Variants in KCNQ1 observed in about 807,000 individuals in gnomAD.
KCNQ1 encodes potassium voltage-gated channel subfamily Q member 1.
Under a neutral mutation model 72.4 loss-of-function variants are expected in KCNQ1, and 49 were observed. The observed-to-expected ratio is 0.68, with a 90% confidence interval of 0.54 to 0.86. The LOEUF (loss-of-function observed/expected upper bound fraction) is 0.86. Among genes scored for constraint, KCNQ1 ranks in the 40% least tolerant of loss-of-function variants. KCNQ1 has a pLI of 0.00. For missense variants in KCNQ1, 790 were observed against 945.1 expected, an observed-to-expected ratio of 0.84 and a Z score of 2.15; for synonymous variants, 450 against 412.6, an observed-to-expected ratio of 1.09 and a Z score of -1.10.
In KCNQ1 at chr11:2,601,950, T is replaced by C. The variant is rs1378229740; in HGVS notation, c.1393+13096T>C. On this transcript the variant is annotated intron_variant, in intron 10 of 15. Transcript: ENST00000155840. The surrounding 1 kb of genome is among the most constrained non-coding windows in gnomAD (Gnocchi z 5.2). ...TCGCCTTCTATGGCAAAGGGCACTC[T>C]GCAGATGTGTCAAATTAAGGACCTT... Among the ~76,000 whole-genome samples, 3 of 152,188 alleles carry C rather than the reference T, an allele frequency of 2.0e-5. No homozygotes were observed. Among genetic ancestry groups the C allele is most frequent in the Non-Finnish European group, 4.4e-5 (3 of 68,034 alleles).
At chr11:2,597,188 ACT>A (rs1250355937) in intron 10 of KCNQ1, among the ~76,000 whole-genome samples, 2 of 152,140 alleles carry the variant, frequency 1.3e-5, no homozygotes, top group Non-Finnish European at 2.9e-5. Flanking sequence ...GTTTGATAAC[ACT>A]CTATGGGTAT....
intron 2 of KCNQ1, among the ~76,000 whole-genome samples, chr11:2,545,771 T>G (rs1436971161): frequency 6.6e-6 from 1 of 152,180 alleles, no homozygotes; most frequent in African/African-American, 2.4e-5. Flanking sequence ...AAAGAATATG[T>G]TCATTTCATC....
intron 1 of KCNQ1, among the ~76,000 whole-genome samples, chr11:2,514,043 G>T (rs929091990): frequency 6.6e-6 from 1 of 152,188 alleles, no homozygotes. Flanking sequence ...CCATTTGGGG[G>T]GTGTGCAGGT....
chr11:2,652,227 TGAG>T lies in KCNQ1; in HGVS notation c.1394-9732_1394-9730del. 5.0e-6 allele frequency: 2 copies of T among 398,634 alleles called. No individual in the cohort carries two copies. The highest frequency in any genetic ancestry group is 8.8e-6 in the Non-Finnish European group (2 of 226,088). The allele number at this position is 398,634 out of a possible 1,614,324, so 24.7% of individuals were successfully genotyped here. A position where few individuals can be genotyped will look rare whatever the true frequency, so the allele number is the denominator to read the frequency against. On this transcript the variant is annotated intron_variant, in intron 10 of 15. Transcript: ENST00000155840. The surrounding 1 kb of genome is among the most constrained non-coding windows in gnomAD (Gnocchi z 5.9). Reference sequence around the variant, plus strand: ...AGGGCCTGGAGCCGGATGCTGAGAATGAGGCCTGCAACTCATTTCCCCATTAAA... The same window carrying T: ...AGGGCCTGGAGCCGGATGCTGAGAATGCCTGCAACTCATTTCCCCATTAAA...
At chr11:2,625,869 C>G (rs552041559) in intron 10 of KCNQ1, 2 of 398,584 alleles carry the variant, frequency 5.0e-6, no homozygotes, top group South Asian at 2.5e-4. Flanking sequence ...GTGCCTGGCC[C>G]TTTTGCCCAT....
chr11:2,656,533 T>C (rs1849850943), intron 10 of KCNQ1: 1 of 398,580 alleles, frequency 2.5e-6, no homozygotes, highest in Non-Finnish European at 4.4e-6. Context: ...TGATTGCTAG[T>C]CAGGCGCAAC....
chr11:2,676,489 T>A lies in KCNQ1; in HGVS notation c.1514+14408T>A. ...TTAGCTGTAGTCTTTCTGGCATCAG[T>A]TCCATTTCTGGTGAACACTTGGACT... On this transcript the variant is annotated intron_variant, in intron 11 of 15. Transcript: ENST00000155840. The surrounding 1 kb of genome is among the most constrained non-coding windows in gnomAD (Gnocchi z 4.2). 1 of 398,694 alleles carries A rather than the reference T, an allele frequency of 2.5e-6. No individual in the cohort carries two copies. Among genetic ancestry groups the A allele is most frequent in the Non-Finnish European group, 4.4e-6 (1 of 226,094 alleles). The allele number at this position is 398,694 out of a possible 1,614,324, so 24.7% of individuals were successfully genotyped here. A position where few individuals can be genotyped will look rare whatever the true frequency, so the allele number is the denominator to read the frequency against.
rs757452952 is a variant in KCNQ1 at position 2,662,045 on chromosome 11, G to C, written c.1478G>C (p.Gly493Ala). 1.2e-6 allele frequency: 2 copies of C among 1,614,138 alleles called. No homozygotes were observed. Among genetic ancestry groups the C allele is most frequent in the African/African-American group, 2.7e-5 (2 of 74,950 alleles). Reference sequence around the variant, plus strand: ...TTCGCCGAGGACCTGGACCTGGAAGGGGAGACTCTGCTGACACCCATCACC... The same window carrying C: ...TTCGCCGAGGACCTGGACCTGGAAGCGGAGACTCTGCTGACACCCATCACC... Reference protein sequence around the residue: ...NSFAEDLDLEGETLLTPITHI... With the variant: ...NSFAEDLDLEAETLLTPITHI... Residue 493 changes from glycine (G) to alanine (A), a missense_variant, in exon 11 of 16, where the codon GGG (glycine) becomes GCG (alanine). Physicochemically the swap from Gly to Ala is moderately conservative, Grantham distance 60 (BLOSUM62 0). Transcript: ENST00000155840.
At chr11:2,609,029 T>G in intron 10 of KCNQ1, 2 of 398,444 alleles carry the variant, frequency 5.0e-6, no homozygotes, top group Non-Finnish European at 8.8e-6. Flanking sequence ...CTATATTTTA[T>G]TTCTACTCTA....
intron 1 of KCNQ1, among the ~76,000 whole-genome samples, chr11:2,514,138 C>G (rs1316612479): frequency 6.6e-6 from 1 of 152,238 alleles, no homozygotes; most frequent in East Asian, 1.9e-4. Flanking sequence ...AGATGCCCCC[C>G]TCCCCTGCCA....
At position 2,663,304 on chromosome 11, in the gene KCNQ1, T is replaced by G; in HGVS notation, c.1514+1223T>G. 1 of 398,764 alleles carries G rather than the reference T, an allele frequency of 2.5e-6. No homozygotes were observed. Among genetic ancestry groups the G allele is most frequent in the Non-Finnish European group, 4.4e-6 (1 of 226,198 alleles). 24.7% of individuals were successfully genotyped at this position (398,764 alleles called of 1,614,324 possible). On this transcript the variant is annotated intron_variant, in intron 11 of 15. Coordinates refer to ENST00000155840, the MANE Select transcript of KCNQ1 (RefSeq NM_000218.3). The surrounding 1 kb of genome is among the most constrained non-coding windows in gnomAD (Gnocchi z 5.2). ...GGGCTCTGAGCTTCTGGGCCCCTCC[T>G]GGCTGGGTAAAAAGGCAGGAGCAGA...
At chr11:2,843,323 C>G (rs1236355937) in intron 15 of KCNQ1, among the ~76,000 whole-genome samples, 74 of 152,222 alleles carry the variant, frequency 4.9e-4, no homozygotes, top group Non-Finnish European at 1.6e-4. Context: ...TTGCTCAGAG[C>G]CTGGTATGAA....
Position 2,658,815 on chromosome 11 carries a change from T to G in KCNQ1, c.1394-3146T>G. 1 of 398,556 alleles carries G rather than the reference T, an allele frequency of 2.5e-6. No individual in the cohort carries two copies. Among genetic ancestry groups the G allele is most frequent in the Non-Finnish European group, 4.4e-6 (1 of 226,068 alleles). 24.7% of individuals were successfully genotyped at this position (398,556 alleles called of 1,614,324 possible). ...CCTTGCCCCCTCCCCCACAACTTAT[T>G]TATAGCTTTTTCTCTGACAGCTAGA... On this transcript the variant is annotated intron_variant, in intron 10 of 15. Coordinates refer to ENST00000155840, the MANE Select transcript of KCNQ1 (RefSeq NM_000218.3). This position sits in a 1 kb window ranked among gnomAD's most constrained non-coding sequence, Gnocchi z 4.9.
chr11:2,487,674 T>C (rs566720872), intron 1 of KCNQ1, among the ~76,000 whole-genome samples: 1 of 152,336 alleles, frequency 6.6e-6, no homozygotes, highest in African/African-American at 2.4e-5. Context: ...TTGTTCATTG[T>C]TAGCATATAG....
chr11:2,807,575 C>T (rs911142044), intron 15 of KCNQ1, among the ~76,000 whole-genome samples: 4 of 152,216 alleles, frequency 2.6e-5, no homozygotes, highest in African/African-American at 7.2e-5. Context: ...GGGCCCTCCT[C>T]GGGCCCAGCC....
At chr11:2,503,173 T>C (rs1026628886) in intron 1 of KCNQ1, among the ~76,000 whole-genome samples, 1 of 152,018 alleles carries the variant, frequency 6.6e-6, no homozygotes, top group Non-Finnish European at 1.5e-5. Context: ...GAAGCAAAAA[T>C]GGACAAATGG....
rs1442748736 is a variant in KCNQ1, at chr11:2,458,608, G to T, written c.386+13124G>T. Among the ~76,000 whole-genome samples, 6 of 150,282 alleles carry T rather than the reference G, an allele frequency of 4.0e-5. No individual in the cohort carries two copies. Among genetic ancestry groups the T allele is most frequent in the Non-Finnish European group, 7.4e-5 (5 of 67,708 alleles). ...GGCCTTCGGACAGTGCACAGAAAGT[G>T]CTCCCATCCACAATGCTTCCTTGCC... is the stretch of plus-strand genomic sequence containing the variant. On this transcript the variant is annotated intron_variant, in intron 1 of 15. Coordinates refer to ENST00000155840, the MANE Select transcript of KCNQ1 (RefSeq NM_000218.3). This position sits in a 1 kb window ranked among gnomAD's most constrained non-coding sequence, Gnocchi z 4.6.
chr11:2,812,071 G>A (rs1465760717), intron 15 of KCNQ1, among the ~76,000 whole-genome samples: 3 of 152,010 alleles, frequency 2.0e-5, no homozygotes, highest in Non-Finnish European at 4.4e-5. Flanking sequence ...TCTCTAAGCC[G>A]CCGCCTCCTC....
At chr11:2,842,730 A>G (rs1326401579) in intron 15 of KCNQ1, among the ~76,000 whole-genome samples, 1 of 152,218 alleles carries the variant, frequency 6.6e-6, no homozygotes, top group Non-Finnish European at 1.5e-5. Flanking sequence ...GCCTCAGGCC[A>G]CAGGCATACA....
Sources: gnomAD v4.1 joint callset for allele counts (sites outside exome capture counted in the v4.1 genomes callset) on GRCh38, gnomAD v4.1.1 for gene constraint, Gnocchi (gnomAD v3.1) non-coding constraint, MANE v1.5 for transcripts, NCBI Gene and HGNC (gene_info 2026-07-23, HGNC 2026-07-21) for gene names.